Variants in BICD1 observed in about 807,000 individuals in gnomAD.
BICD1 encodes protein bicaudal D homolog 1.
BICD1 carries 35 observed loss-of-function variants against 92.5 expected under a neutral mutation model. That is an observed-to-expected ratio of 0.38 (90% CI 0.29 to 0.50). The LOEUF (loss-of-function observed/expected upper bound fraction) is 0.50. BICD1 is among the 20% of genes least tolerant of loss of function. BICD1 has a pLI of 0.93. For missense variants in BICD1, 950 were observed against 1,189.8 expected (o/e 0.80, Z 2.97); for synonymous variants, 429 against 465.1 (o/e 0.92, Z 1.00).
At chr12:32,209,046 G>A (rs1268995833) in intron 1 of BICD1, among the ~76,000 whole-genome samples, 2 of 151,976 alleles carry the variant, frequency 1.3e-5, no homozygotes, top group African/African-American at 2.4e-5. Context: ...TGTTGGTCAG[G>A]TGGACCTTAG....
At chr12:32,209,943 A>C (rs1407604234) in intron 1 of BICD1, among the ~76,000 whole-genome samples, 3 of 152,240 alleles carry the variant, frequency 2.0e-5, no homozygotes, top group Non-Finnish European at 4.4e-5. Context: ...GCCACATTTC[A>C]AAAGCTCAGT....
intron 8 of BICD1, chr12:32,339,264 C>G: frequency 9.1e-7 from 1 of 1,100,398 alleles, no homozygotes; most frequent in Non-Finnish European, 1.1e-6. Flanking sequence ...CGCACACACA[C>G]TTGGATCCTA....
intron 2 of BICD1, among the ~76,000 whole-genome samples, chr12:32,247,383 G>T (rs1338294072): frequency 6.6e-6 from 1 of 152,154 alleles, no homozygotes; most frequent in Non-Finnish European, 1.5e-5. Context: ...TAAGCCATGG[G>T]CTTGGAGGAG....
intron 3 of BICD1, 103 bp from the exon 4 acceptor site, chr12:32,305,594 T>C (rs578002394): frequency 2.1e-6 from 2 of 964,376 alleles, no homozygotes; most frequent in South Asian, 1.9e-5. Context: ...TTTAGACTCA[T>C]GTTGTATTTT....
At chr12:32,168,784 A>C (rs1592407670) in intron 1 of BICD1, among the ~76,000 whole-genome samples, 1 of 152,318 alleles carries the variant, frequency 6.6e-6, no homozygotes. Flanking sequence ...ATCCTGGCCA[A>C]CATGGTGAAA....
rs1555171503 is a variant in BICD1, at chr12:32,348,719, C to CAAAA, written c.2764+9742_2764+9745dup. ...CCGAAATGATGCTTTCTAGCTCACA[C>CAAAA]AAAAATATATATATATATATATATA... On this transcript the variant is annotated intron_variant, in intron 8 of 9. Transcript: ENST00000652176. 1.1e-3 allele frequency among the ~76,000 whole-genome samples: 79 copies of CAAAA among 69,740 alleles called. 1 individual carries two copies. Among genetic ancestry groups the CAAAA allele is most frequent in the Admixed American group, 2.8e-3 (18 of 6,534 alleles). 45.8% of individuals were successfully genotyped at this position (69,740 alleles called of 152,430 possible). A position where few individuals can be genotyped will look rare whatever the true frequency, so the allele number is the denominator to read the frequency against.
rs1291015745 is a variant in BICD1, at chr12:32,223,484, T to C, written c.426+7025T>C. On this transcript the variant is annotated intron_variant, in intron 2 of 9. Coordinates refer to ENST00000652176, the MANE Select transcript of BICD1 (RefSeq NM_001714.4). ...GTGAGCCAAGATCGCGCCACTGCACTGGAGCCTGAGTAACAGAAAGAGACT... is the reference window on the plus strand; with the variant it reads ...GTGAGCCAAGATCGCGCCACTGCACCGGAGCCTGAGTAACAGAAAGAGACT... Among the ~76,000 whole-genome samples the C allele has an allele frequency of 1.4e-5, 2 of 143,418 alleles. 1 individual carries two copies. The highest frequency in any genetic ancestry group is 3.0e-5 in the Non-Finnish European group (2 of 67,196). 94.1% of individuals were successfully genotyped at this position (143,418 alleles called of 152,430 possible). A position where few individuals can be genotyped will look rare whatever the true frequency, so the allele number is the denominator to read the frequency against.
intron 8 of BICD1, among the ~76,000 whole-genome samples, chr12:32,351,828 G>A (rs1296744248): frequency 1.3e-5 from 2 of 151,542 alleles, no homozygotes; most frequent in Non-Finnish European, 2.9e-5. Flanking sequence ...GCTTGAACCA[G>A]GACGCGGGAG....
At chr12:32,376,854 C>G (rs1188378646) in intron 9 of BICD1, among the ~76,000 whole-genome samples, 1 of 118,386 alleles carries the variant, frequency 8.4e-6, no homozygotes, top group Non-Finnish European at 1.6e-5. Context: ...GGCAAAACAA[C>G]GAGACTCCAT....
intron 2 of BICD1, among the ~76,000 whole-genome samples, chr12:32,278,910 G>C (rs1351275801): frequency 6.6e-6 from 1 of 151,978 alleles, no homozygotes. Flanking sequence ...AGCCCATTGA[G>C]TGAACTTTAA....
At chr12:32,235,212 G>C (rs1399986271) in intron 2 of BICD1, among the ~76,000 whole-genome samples, 1 of 152,176 alleles carries the variant, frequency 6.6e-6, no homozygotes, top group African/African-American at 2.4e-5. Flanking sequence ...TGGGGTAGAG[G>C]TTGGTTTGTA....
chr12:32,249,093 A>T (rs1946463746), intron 2 of BICD1, among the ~76,000 whole-genome samples: 1 of 152,188 alleles, frequency 6.6e-6, no homozygotes, highest in South Asian at 2.1e-4. Context: ...CCCTTCCCTT[A>T]CTGTCTGCCT....
intron 1 of BICD1, among the ~76,000 whole-genome samples, chr12:32,140,416 A>C (rs79190104): frequency 2.2e-3 from 329 of 152,342 alleles, no homozygotes; most frequent in Middle Eastern, 6.8e-3. Flanking sequence ...AATTTTATAA[A>C]AAATGTAATA....
intron 1 of BICD1, among the ~76,000 whole-genome samples, chr12:32,170,074 T>G (rs1441417682): frequency 6.6e-6 from 1 of 152,224 alleles, no homozygotes; most frequent in Admixed American, 6.5e-5. Flanking sequence ...CTGAGTTTAA[T>G]CCTAAGAAAA....
intron 1 of BICD1, among the ~76,000 whole-genome samples, chr12:32,183,417 C>G (rs907535029): frequency 6.6e-6 from 1 of 151,966 alleles, no homozygotes; most frequent in South Asian, 2.1e-4. Flanking sequence ...GGCACGCGCG[C>G]CATCACGCCC....
intron 1 of BICD1, among the ~76,000 whole-genome samples, chr12:32,131,036 T>C (rs1416888424): frequency 2.0e-5 from 3 of 152,070 alleles, no homozygotes; most frequent in Non-Finnish European, 4.4e-5. Flanking sequence ...GGTTTCGTCA[T>C]GTTGGCCAGG....
intron 2 of BICD1, among the ~76,000 whole-genome samples, chr12:32,257,084 G>A (rs1024800409): frequency 6.6e-6 from 1 of 151,952 alleles, no homozygotes; most frequent in Non-Finnish European, 1.5e-5. Flanking sequence ...ATGGTGGCAG[G>A]TGCCTGTAGT....
intron 1 of BICD1, among the ~76,000 whole-genome samples, chr12:32,131,574 T>A (rs1478074734): frequency 6.6e-6 from 1 of 152,206 alleles, no homozygotes; most frequent in Admixed American, 6.5e-5. Flanking sequence ...TACCATCACC[T>A]CTCTGTCCTC....
intron 1 of BICD1, among the ~76,000 whole-genome samples, chr12:32,160,880 G>A (rs1472751714): frequency 6.6e-6 from 1 of 152,038 alleles, no homozygotes; most frequent in African/African-American, 2.4e-5. Flanking sequence ...TATTTCAATT[G>A]TACTTAAGCA....
Sources: gnomAD v4.1 joint callset for allele counts (sites outside exome capture counted in the v4.1 genomes callset) on GRCh38, gnomAD v4.1.1 for gene constraint, MANE v1.5 for transcripts, NCBI Gene and HGNC (gene_info 2026-07-23, HGNC 2026-07-21) for gene names.